NLGN1: variants seen among roughly 807,000 people sequenced by gnomAD.
The protein encoded by NLGN1 is neuroligin-1.
In NLGN1, 12 loss-of-function variants were observed where a neutral mutation model predicts 65.5. The ratio of observed to expected loss-of-function variants is 0.18; its 90% CI spans 0.12 to 0.30. The LOEUF (loss-of-function observed/expected upper bound fraction) is 0.30, where lower values mean the gene tolerates loss of function less well. Among genes scored for constraint, NLGN1 ranks in the 10% least tolerant of loss-of-function variants. The pLI is 1.00. For missense variants in NLGN1, 750 were observed against 1,007.1 expected (o/e 0.74, Z 3.46); for synonymous variants, 350 against 359.5 (o/e 0.97, Z 0.30).
chr3:173,898,814 T>C (rs1272463448), intron 4 of NLGN1, among the ~76,000 whole-genome samples: 2 of 152,152 alleles, frequency 1.3e-5, no homozygotes, highest in Non-Finnish European at 2.9e-5. Context: ...CAACACACTT[T>C]CAAAGAGACC....
In NLGN1 at chr3:173,887,871, T is replaced by TAA. The variant is rs34288164; in HGVS notation, c.646+80046_646+80047dup. Among the ~76,000 whole-genome samples, 3 of 151,552 alleles carry TAA rather than the reference T, an allele frequency of 2.0e-5. No homozygotes were observed. In the South Asian group the frequency reaches 6.2e-4, roughly 32 times the overall value. The stretch of plus-strand genomic sequence containing the variant: ...AATTTGACTACAACAAAAATAACAC[T>TAA]AAAAAAAACCCACTTCTACCACTAC... On this transcript the variant is annotated intron_variant, in intron 4 of 6. Coordinates refer to ENST00000457714, the Ensembl canonical transcript of NLGN1.
chr3:173,498,459 G>A (rs1730411094), intron 2 of NLGN1, among the ~76,000 whole-genome samples: 3 of 151,778 alleles, frequency 2.0e-5, no homozygotes, highest in South Asian at 4.1e-4. Context: ...ATCATTGTTG[G>A]ACATTTGGGT....
intron 4 of NLGN1, among the ~76,000 whole-genome samples, chr3:174,255,143 A>G (rs1276498752): frequency 6.6e-6 from 1 of 152,148 alleles, no homozygotes; most frequent in Non-Finnish European, 1.5e-5. Flanking sequence ...AAAACGTTTA[A>G]GCGAAACCTT....
intron 4 of NLGN1, among the ~76,000 whole-genome samples, chr3:173,820,833 G>C (rs1336755832): frequency 1.3e-5 from 2 of 152,136 alleles, no homozygotes; most frequent in African/African-American, 4.8e-5. Flanking sequence ...ACTTTATATA[G>C]ATAATAGGCT....
At chr3:173,848,686 T>G (rs1214251176) in intron 4 of NLGN1, among the ~76,000 whole-genome samples, 1 of 152,208 alleles carries the variant, frequency 6.6e-6, no homozygotes, top group Non-Finnish European at 1.5e-5. Flanking sequence ...CTGCATTTAC[T>G]GAAGTATGAA....
intron 3 of NLGN1, among the ~76,000 whole-genome samples, chr3:173,677,397 A>G (rs1172186403): frequency 6.6e-6 from 1 of 151,908 alleles, no homozygotes; most frequent in Non-Finnish European, 1.5e-5. Context: ...CCATCAATCA[A>G]TCATTCCTTT....
chr3:173,864,097 A>G (rs539966587), intron 4 of NLGN1, among the ~76,000 whole-genome samples: 1 of 152,204 alleles, frequency 6.6e-6, no homozygotes, highest in Non-Finnish European at 1.5e-5. Flanking sequence ...ACAACTGTCA[A>G]CCCAATAATG....
chr3:173,539,778 A>C (rs1403780279), intron 2 of NLGN1, among the ~76,000 whole-genome samples: 1 of 117,170 alleles, frequency 8.5e-6, no homozygotes, highest in Non-Finnish European at 1.7e-5. Context: ...TATATAACAC[A>C]TATATATGTA....
chr3:173,646,476 T>A (rs1758294541), intron 3 of NLGN1, among the ~76,000 whole-genome samples: 1 of 152,214 alleles, frequency 6.6e-6, no homozygotes, highest in Admixed American at 6.5e-5. Context: ...AATTTTTTCC[T>A]GGATGCTAGA....
intron 4 of NLGN1, among the ~76,000 whole-genome samples, chr3:174,273,161 T>G (rs7620202): frequency 0.17 from 26,339 of 151,608 alleles, 2,631 homozygotes; most frequent in Middle Eastern, 0.24. Context: ...ATGATGATTA[T>G]TTTATGAGTA....
In NLGN1 at chr3:173,977,937, G is replaced by A. The variant is rs1048763529; in HGVS notation, c.646+170105G>A. 2.0e-5 allele frequency among the ~76,000 whole-genome samples: 3 copies of A among 152,050 alleles called. No individual in the cohort carries two copies. The East Asian group carries it at 5.8e-4, about 29-fold the overall frequency. On this transcript the variant is annotated intron_variant, in intron 4 of 6. Coordinates refer to ENST00000457714, the Ensembl canonical transcript of NLGN1. The stretch of plus-strand genomic sequence containing the variant: ...AGAGAGCTGAGGAGCAACCTTAGAG[G>A]AATGTCAACATTTTGTGGCTTGAGG...
intron 4 of NLGN1, among the ~76,000 whole-genome samples, chr3:173,980,918 C>G (rs1442199301): frequency 6.6e-6 from 1 of 151,940 alleles, no homozygotes; most frequent in African/African-American, 2.4e-5. Context: ...GTAATTTGAT[C>G]CTTTGATCCA....
intron 3 of NLGN1, among the ~76,000 whole-genome samples, chr3:173,657,847 A>G (rs1283402926): frequency 4.0e-5 from 6 of 151,882 alleles, no homozygotes; most frequent in Admixed American, 3.3e-4. Flanking sequence ...CTTGTCAGCA[A>G]TGTATTAATA....
At chr3:173,408,911 C>CAAAAAA (rs11344890) in intron 1 of NLGN1, among the ~76,000 whole-genome samples, 2 of 124,860 alleles carry the variant, frequency 1.6e-5, no homozygotes, top group African/African-American at 3.0e-5. Context: ...GACTCTGTCT[C>CAAAAAA]AAAAAAAAAA....
chr3:173,655,642 ATTTG>A (rs926382590), intron 3 of NLGN1, among the ~76,000 whole-genome samples: 3 of 151,970 alleles, frequency 2.0e-5, no homozygotes, highest in South Asian at 2.1e-4. Flanking sequence ...TTCTGGATGA[ATTTG>A]TTTATTTCTT....
Position 174,128,015 on chromosome 3 carries a change from A to G in NLGN1, c.647-147300A>G, listed in dbSNP as rs78660771. Among the ~76,000 whole-genome samples the G allele has an allele frequency of 3.5e-4, 53 of 152,234 alleles. No individual in the cohort carries two copies. In the East Asian group the frequency reaches 5.8e-3, roughly 17 times the overall value. On this transcript the variant is annotated intron_variant, in intron 4 of 6. Transcript: ENST00000457714. ...GCCACTTTGTTCTGTCATTTTCTCA[A>G]TGTGTACAAAAGTGCCCATCTCTCA...
At chr3:173,429,554 G>T (rs1290984653) in intron 1 of NLGN1, among the ~76,000 whole-genome samples, 2 of 152,054 alleles carry the variant, frequency 1.3e-5, no homozygotes, top group Non-Finnish European at 2.9e-5. Flanking sequence ...GTTTCTTATG[G>T]ATGTATGTCT....
At chr3:173,486,305 G>A (rs188902748) in intron 2 of NLGN1, among the ~76,000 whole-genome samples, 8 of 151,998 alleles carry the variant, frequency 5.3e-5, no homozygotes, top group South Asian at 2.1e-4. Context: ...CAAGGGATCC[G>A]CCTGCCTCGG....
chr3:173,608,730 C>G (rs1454293964), intron 3 of NLGN1, among the ~76,000 whole-genome samples: 2 of 151,698 alleles, frequency 1.3e-5, no homozygotes, highest in Non-Finnish European at 2.9e-5. Context: ...TTATATCTAT[C>G]CATCCTTCCT....
Sources: allele counts gnomAD v4.1 joint callset (sites outside exome capture counted in the v4.1 genomes callset), GRCh38; gene constraint gnomAD v4.1.1; transcripts MANE v1.5; gene names NCBI Gene and HGNC (gene_info 2026-07-23, HGNC 2026-07-21).